The following KRT86 variants were observed in gnomAD, a reference collection of about 807,000 sequenced individuals.
The protein encoded by KRT86 is keratin, type II cuticular Hb6.
Under a neutral mutation model 41.2 loss-of-function variants are expected in KRT86, and 30 were observed. That is an observed-to-expected ratio of 0.73 (90% confidence interval 0.54 to 0.99). The LOEUF (loss-of-function observed/expected upper bound fraction) is 0.99, where lower values mean the gene tolerates loss of function less well. Among genes scored for constraint, KRT86 ranks in the 50% least tolerant of loss-of-function variants. KRT86 has a pLI of 0.00. For synonymous variants in KRT86, 238 were observed against 238.1 expected (o/e 1.00, Z 0.00); for missense variants, 561 against 571.4 (o/e 0.98, Z 0.19).
chr12:52,286,514 G>A, intron 2 of KRT86: 1 of 1,550,438 alleles, frequency 6.4e-7, no homozygotes, highest in Non-Finnish European at 8.7e-7. Context: ...CGAAGGCTGA[G>A]TCAAAATTCT....
At chr12:52,277,047 G>A (rs546658559) in intron 2 of KRT86, among the ~76,000 whole-genome samples, 8 of 152,226 alleles carry the variant, frequency 5.3e-5, no homozygotes, top group African/African-American at 1.9e-4. Flanking sequence ...CAGCTGTTCT[G>A]GTTCCCCAAG....
chr12:52,286,035 T>C (rs1702109306), intron 2 of KRT86: 1 of 584,008 alleles, frequency 1.7e-6, no homozygotes, highest in Admixed American at 3.0e-5. Flanking sequence ...CCCCTTCCTA[T>C]GGGTGCCAGC....
At chr12:52,283,470 ATTTTTTTTTT>A (rs200241229) in intron 2 of KRT86, among the ~76,000 whole-genome samples, 1 of 65,348 alleles carries the variant, frequency 1.5e-5, no homozygotes, top group African/African-American at 7.3e-5. Context: ...TAATCCAAGC[ATTTTTTTTTT>A]TTTTTTTTTT....
At chr12:52,291,407 G>C (rs747238851) in intron 2 of KRT86, 48 of 1,610,706 alleles carry the variant, frequency 3.0e-5, no homozygotes, top group Non-Finnish European at 2.5e-6. Context: ...GCCGGGCCGC[G>C]GCCCGCAGGC....
At chr12:52,288,222 G>A in intron 2 of KRT86, 2 of 1,593,272 alleles carry the variant, frequency 1.3e-6, no homozygotes, top group Non-Finnish European at 1.7e-6. Context: ...CACCTCCTCA[G>A]GCTTTCTCTG....
At chr12:52,291,435 CG>C (rs1242634748) in intron 2 of KRT86, 1 of 1,612,328 alleles carries the variant, frequency 6.2e-7, no homozygotes, top group Non-Finnish European at 8.5e-7. Context: ...CAGCTGAAGG[CG>C]CGCCCACCAA....
chr12:52,291,091 A>G (rs1382935306), intron 2 of KRT86: 6 of 630,424 alleles, frequency 9.5e-6, no homozygotes, highest in Admixed American at 3.8e-5. Flanking sequence ...GATCCAGGAC[A>G]CCCACCTTGT....
intron 2 of KRT86, among the ~76,000 whole-genome samples, chr12:52,291,748 T>C (rs897204909): frequency 5.5e-5 from 8 of 145,486 alleles, no homozygotes; most frequent in African/African-American, 2.2e-4. Flanking sequence ...TGTTTCATCT[T>C]CAAAGTGTCT....
At chr12:52,298,745 TGA>T (rs1253196553) in intron 2 of KRT86, among the ~76,000 whole-genome samples, 1 of 152,268 alleles carries the variant, frequency 6.6e-6, no homozygotes, top group African/African-American at 2.4e-5. Flanking sequence ...GTTTGGAATC[TGA>T]GTCTGTGTGC....
At chr12:52,288,577 C>A (rs1459214775) in intron 2 of KRT86, 3 of 1,152,840 alleles carry the variant, frequency 2.6e-6, no homozygotes, top group Admixed American at 1.7e-5. Flanking sequence ...CATTCCCATG[C>A]CTTTCCTCCC....
intron 2 of KRT86, among the ~76,000 whole-genome samples, chr12:52,282,235 A>ACTT (rs1407664487): frequency 8.6e-6 from 1 of 116,734 alleles, no homozygotes; most frequent in Non-Finnish European, 2.0e-5. Context: ...CCCCTGAAAC[A>ACTT]ATTTTTTTTT....
At chr12:52,306,001 G>C in intron 8 of KRT86, 59 bp from the exon 9 acceptor site, 7 of 1,604,128 alleles carry the variant, frequency 4.4e-6, no homozygotes, top group Non-Finnish European at 6.0e-6. Context: ...GTCTCATCGA[G>C]GTAAGCATCA....
At chr12:52,287,063 G>T in intron 2 of KRT86, 2 of 1,612,494 alleles carry the variant, frequency 1.2e-6, no homozygotes, top group Non-Finnish European at 1.7e-6. Context: ...TGCCAGGGAT[G>T]GGGAAGGGTG....
At position 52,280,448 on chromosome 12, in the gene KRT86, A is replaced by G. The variant is rs1211613735; in HGVS notation, c.-5+4502A>G. Among the ~76,000 whole-genome samples, 4 of 152,286 alleles carry G rather than the reference A, an allele frequency of 2.6e-5. No homozygotes were observed. The South Asian group carries it at 8.3e-4, about 32-fold the overall frequency. On this transcript the variant is annotated intron_variant, in intron 2 of 10. Coordinates refer to ENST00000423955, the MANE Select transcript of KRT86 (RefSeq NM_001320198.2). ...AATGCAACAATAGTTTCTGCTTTCT[A>G]TGTCCCTGGGTGGGGCTGAAGTGCG...
rs1937822517 is a variant in KRT86 at position 52,283,377 on chromosome 12, G to A, written c.-5+7431G>A. On this transcript the variant is annotated intron_variant, in intron 2 of 10. Transcript: ENST00000423955. ...CACCGCACTCCAGCCTGGGCAACAG[G>A]GTGAAACTGTCTCACAAAAAAAAAA... 3.0e-5 allele frequency among the ~76,000 whole-genome samples: 4 copies of A among 135,504 alleles called. No homozygotes were observed. In the South Asian group the frequency reaches 7.7e-4, roughly 26 times the overall value. 88.9% of individuals were successfully genotyped at this position (135,504 alleles called of 152,430 possible). A position where few individuals can be genotyped will look rare whatever the true frequency, so the allele number is the denominator to read the frequency against.
rs773093741 is a variant in KRT86 at position 52,302,064 on chromosome 12, G to A, written c.148G>A (p.Val50Met). Residue 50 changes from valine (V) to methionine (M), a missense_variant, in exon 3 of 11, where the codon GTG (valine) becomes ATG (methionine). Around this residue, in one of 3 missense-constraint regions of KRT86, gnomAD observed 164 missense variants for 172.5 expected, o/e 0.95. Transcript: ENST00000423955. Reference sequence around the variant, plus strand: ...CACCGGGGGCTTCGGCAGCCACAGCGTGTGCGGAGGCTTTCGGGCCGGCTC... The same window carrying A: ...CACCGGGGGCTTCGGCAGCCACAGCATGTGCGGAGGCTTTCGGGCCGGCTC... ...GLTGGFGSHS[V>M]CGGFRAGSCG... 166 of 1,603,826 alleles carry A rather than the reference G, an allele frequency of 1.0e-4. No individual in the cohort carries two copies. Among genetic ancestry groups the A allele is most frequent in the Non-Finnish European group, 1.7e-5 (20 of 1,176,058 alleles).
intron 2 of KRT86, among the ~76,000 whole-genome samples, chr12:52,294,378 C>T (rs776649368): frequency 4.6e-5 from 7 of 152,056 alleles, no homozygotes; most frequent in South Asian, 4.2e-4. Flanking sequence ...AATGTGACAC[C>T]ATTTCATTAA....
At chr12:52,299,757 T>C (rs547189098) in intron 2 of KRT86, among the ~76,000 whole-genome samples, 1 of 152,262 alleles carries the variant, frequency 6.6e-6, no homozygotes, top group African/African-American at 2.4e-5. Flanking sequence ...GAAATGTCTA[T>C]TCAGATCTTT....
chr12:52,291,213 C>A, intron 2 of KRT86: 2 of 1,446,376 alleles, frequency 1.4e-6, no homozygotes, highest in Non-Finnish European at 1.9e-6. Flanking sequence ...AGGAGGCTCT[C>A]GTTGACCGAC....
Sources: allele counts gnomAD v4.1 joint callset (sites outside exome capture counted in the v4.1 genomes callset), GRCh38; gene constraint gnomAD v4.1.1; regional missense constraint gnomAD v4.1.1; transcripts MANE v1.5; gene names NCBI Gene and HGNC (gene_info 2026-07-23, HGNC 2026-07-21).